ANK3: variants seen among roughly 807,000 people sequenced by gnomAD.
The protein encoded by ANK3 is ankyrin 3.
A neutral mutation model predicts 370.9 loss-of-function variants in ANK3; 57 were observed. The observed-to-expected ratio is 0.15, with a 90% CI of 0.12 to 0.19. The LOEUF (loss-of-function observed/expected upper bound fraction) is 0.19, where lower values mean the gene tolerates loss of function less well. ANK3 is among the 10% of genes least tolerant of loss of function. ANK3 has a pLI of 1.00. For missense variants in ANK3, 4,439 were observed against 5,302.1 expected (o/e 0.84, Z 5.06); for synonymous variants, 1,929 against 1,946.3 (o/e 0.99, Z 0.23).
intron 2 of ANK3, among the ~76,000 whole-genome samples, chr10:60,614,878 G>A (rs1424370605): frequency 6.6e-6 from 1 of 152,056 alleles, no homozygotes; most frequent in Non-Finnish European, 1.5e-5. Context: ...TGGTTACTCT[G>A]TACCTGCCAT....
rs1265824965 is a variant in ANK3, at chr10:60,125,167, TACGGTATTTA to T, written c.2841+9094_2841+9103del. On this transcript the variant is annotated intron_variant, in intron 25 of 43. Transcript: ENST00000280772. ...TAGAAAAAGCAGGTCTTTTTTCCCTTACGGTATTTATTTTCTTGAAGTCAACTATTATTAC... is the reference window on the plus strand; with the variant it reads ...TAGAAAAAGCAGGTCTTTTTTCCCTTTTTTCTTGAAGTCAACTATTATTAC... Among the ~76,000 whole-genome samples the T allele has an allele frequency of 2.6e-5, 4 of 152,284 alleles. No homozygotes were observed. The East Asian group carries it at 7.7e-4, about 29-fold the overall frequency.
At chr10:60,238,307 G>C (rs900819803) in intron 7 of ANK3, among the ~76,000 whole-genome samples, 4 of 152,190 alleles carry the variant, frequency 2.6e-5, no homozygotes, top group Non-Finnish European at 5.9e-5. Context: ...GAGCTCGAAA[G>C]CCTGCCTAAG....
intron 32 of ANK3, 82 bp downstream of exon 32, chr10:60,084,520 A>G (rs1589754202): frequency 9.5e-7 from 1 of 1,053,054 alleles, no homozygotes; most frequent in Non-Finnish European, 1.4e-6. Context: ...GGTATTTTAT[A>G]GTGAGTGCTA....
intron 2 of ANK3, among the ~76,000 whole-genome samples, chr10:60,495,164 G>A (rs1180507866): frequency 6.9e-6 from 1 of 145,252 alleles, no homozygotes; most frequent in Non-Finnish European, 1.5e-5. Context: ...AGTGTAGACT[G>A]GTGGGGCAAT....
At chr10:60,419,138 A>G (rs1449795062) in intron 2 of ANK3, among the ~76,000 whole-genome samples, 2 of 152,164 alleles carry the variant, frequency 1.3e-5, no homozygotes, top group Non-Finnish European at 2.9e-5. Flanking sequence ...AAAGTTTTGG[A>G]AACATTTACA....
At chr10:60,648,766 T>TCAAA (rs2078746324) in intron 1 of ANK3, among the ~76,000 whole-genome samples, 1 of 32,320 alleles carries the variant, frequency 3.1e-5, no homozygotes, top group African/African-American at 9.3e-5. Context: ...TAAGACTGTC[T>TCAAA]TAAAAAAAAA....
At chr10:60,062,995 T>C (rs1337084543) in intron 40 of ANK3, 116 bp downstream of exon 40, 4 of 1,086,430 alleles carry the variant, frequency 3.7e-6, no homozygotes, top group Non-Finnish European at 5.1e-6. Context: ...GCAGAGAAAA[T>C]GAGAAACTAA....
At chr10:60,583,230 A>G (rs1046479589) in intron 2 of ANK3, among the ~76,000 whole-genome samples, 2 of 152,206 alleles carry the variant, frequency 1.3e-5, no homozygotes, top group African/African-American at 4.8e-5. Context: ...TCTGGAGAAC[A>G]TTACCTGAAG....
At chr10:60,243,520 C>G (rs1395328327) in intron 7 of ANK3, among the ~76,000 whole-genome samples, 15 of 152,120 alleles carry the variant, frequency 9.9e-5, no homozygotes, top group Admixed American at 9.8e-4. Flanking sequence ...ACTTCCCAGC[C>G]TCCTGAACTA....
chr10:60,608,977 T>G (rs1319933970), intron 2 of ANK3, among the ~76,000 whole-genome samples: 1 of 152,162 alleles, frequency 6.6e-6, no homozygotes, highest in Non-Finnish European at 1.5e-5. Flanking sequence ...TTTTAAGCCC[T>G]CATGATTTTC....
intron 42 of ANK3, among the ~76,000 whole-genome samples, chr10:60,046,014 A>C (rs1193330870): frequency 6.6e-6 from 1 of 151,470 alleles, no homozygotes; most frequent in African/African-American, 2.4e-5. Context: ...GTTTTTCCTC[A>C]CTGTGGTATA....
At chr10:60,319,405 T>C (rs1316839539) in intron 1 of ANK3, among the ~76,000 whole-genome samples, 2 of 152,186 alleles carry the variant, frequency 1.3e-5, no homozygotes, top group African/African-American at 4.8e-5. Context: ...CTTGTTCTCA[T>C]TAACGTAGTC....
intron 2 of ANK3, among the ~76,000 whole-genome samples, chr10:60,585,878 G>T (rs1291675521): frequency 6.6e-6 from 1 of 152,050 alleles, no homozygotes; most frequent in African/African-American, 2.4e-5. Flanking sequence ...TCAAAAATTA[G>T]CTCGACGTGG....
chr10:60,553,560 G>T (rs1241339749), intron 2 of ANK3, among the ~76,000 whole-genome samples: 1 of 151,930 alleles, frequency 6.6e-6, no homozygotes, highest in Non-Finnish European at 1.5e-5. Context: ...GATTTTTTCA[G>T]CTACGGTCTC....
chr10:60,553,715 A>C (rs2077143863), intron 2 of ANK3, among the ~76,000 whole-genome samples: 1 of 152,240 alleles, frequency 6.6e-6, no homozygotes, highest in South Asian at 2.1e-4. Flanking sequence ...GTATTTGAAC[A>C]ATTAAAAGAG....
intron 1 of ANK3, among the ~76,000 whole-genome samples, chr10:60,632,696 G>A (rs2078500779): frequency 6.6e-6 from 1 of 151,988 alleles, no homozygotes; most frequent in Non-Finnish European, 1.5e-5. Flanking sequence ...AGACCAGTCT[G>A]GGCAACACAG....
At chr10:60,142,820 T>C (rs959036046) in intron 23 of ANK3, among the ~76,000 whole-genome samples, 9 of 152,180 alleles carry the variant, frequency 5.9e-5, no homozygotes, top group African/African-American at 1.9e-4. Context: ...AATTTAGAAA[T>C]AAAAGCAATG....
chr10:60,170,217 C>T (rs1180022349), intron 21 of ANK3, among the ~76,000 whole-genome samples: 1 of 151,966 alleles, frequency 6.6e-6, no homozygotes, highest in African/African-American at 2.4e-5. Context: ...TTAACTAAAC[C>T]GTCTTTCTCA....
chr10:60,195,905 C>T lies in ANK3; in HGVS notation c.1887+240G>A, dbSNP rs111653333. ...GCTAAAGAGTGTTCCAGCTCTCCTT[C>T]CTCCAGGAGGTCCTGGATTGCCAAA... On this transcript the variant is annotated intron_variant, in intron 16 of 43. Coordinates refer to ENST00000280772, the MANE Select transcript of ANK3 (RefSeq NM_020987.5). Among the ~76,000 whole-genome samples the T allele has an allele frequency of 3.8e-3, 582 of 152,288 alleles. 6 individuals carry two copies. Among genetic ancestry groups the T allele is most frequent in the Non-Finnish European group, 5.6e-3 (382 of 68,020 alleles).
Sources: allele counts gnomAD v4.1 joint callset (sites outside exome capture counted in the v4.1 genomes callset), GRCh38; gene constraint gnomAD v4.1.1; transcripts MANE v1.5; gene names NCBI Gene and HGNC (gene_info 2026-07-23, HGNC 2026-07-21).